The following EPB41L4B variants were observed in gnomAD, a reference collection of about 807,000 sequenced individuals.
EPB41L4B encodes the protein band 4.1-like protein 4B.
In EPB41L4B, 30 loss-of-function variants were observed where a neutral mutation model predicts 112.5. The ratio of observed to expected loss-of-function variants is 0.27; its 90% CI spans 0.20 to 0.36. The LOEUF (loss-of-function observed/expected upper bound fraction) is 0.36. EPB41L4B is among the 10% of genes least tolerant of loss of function. The pLI is 1.00. For missense variants in EPB41L4B, 1,024 were observed against 1,133.3 expected, an observed-to-expected ratio of 0.90 and a Z score of 1.38; for synonymous variants, 408 against 439.7, an observed-to-expected ratio of 0.93 and a Z score of 0.90.
chr9:109,192,089 C>T (rs994585603), intron 22 of EPB41L4B, among the ~76,000 whole-genome samples, 189 bp downstream of exon 22: 1 of 152,188 alleles, frequency 6.6e-6, no homozygotes, highest in Non-Finnish European at 1.5e-5. Flanking sequence ...GCACCCCTTC[C>T]TCCCTCAAGG....
chr9:109,276,710 G>T (rs1357880589), intron 2 of EPB41L4B, among the ~76,000 whole-genome samples: 2 of 152,204 alleles, frequency 1.3e-5, no homozygotes, highest in East Asian at 1.9e-4. Context: ...AAGCCTGCCA[G>T]CCAAGTCAGC....
chr9:109,320,486 C>G lies in EPB41L4B; in HGVS notation c.-40G>C, dbSNP rs1360890372. 1.3e-6 allele frequency: 1 copy of G among 768,278 alleles called. No homozygotes were observed. Among genetic ancestry groups the G allele is most frequent in the Non-Finnish European group, 1.6e-6 (1 of 636,196 alleles). 47.6% of individuals were successfully genotyped at this position (768,278 alleles called of 1,614,324 possible). A position where few individuals can be genotyped will look rare whatever the true frequency, so the allele number is the denominator to read the frequency against. ...CCCCCTGCCTCCGCCCCCTGCGCTGCCGCTGCCGCTGCCGCTGCCGCTGCG... is the reference window on the plus strand; with the variant it reads ...CCCCCTGCCTCCGCCCCCTGCGCTGGCGCTGCCGCTGCCGCTGCCGCTGCG... On this transcript the variant is annotated 5_prime_UTR_variant, in exon 1 of 26. Transcript: ENST00000374566.
chr9:109,256,461 C>T lies in EPB41L4B; in HGVS notation c.772G>A (p.Ala258Thr). 6.2e-7 allele frequency: 1 copy of T among 1,614,180 alleles called. No individual in the cohort carries two copies. Residue 258 changes from alanine (A) to threonine (T), a missense_variant, in exon 8 of 26, where the codon GCG becomes ACG. Ala to Thr is a moderately conservative substitution (Grantham distance 58). Coordinates refer to ENST00000374566, the MANE Select transcript of EPB41L4B (RefSeq NM_019114.5). The stretch of plus-strand genomic sequence containing the variant: ...GCTTTATTCAGATAGGAGAGTTCCG[C>T]CTGGGCAGGGCTCTTTCCCCTTAGA... ...KECRGKSPAQ[A>T]ELSYLNKAKW...
At chr9:109,251,398 CTGTA>C in intron 13 of EPB41L4B, 79 bp downstream of exon 13, 1 of 1,343,490 alleles carries the variant, frequency 7.4e-7, no homozygotes, top group Non-Finnish European at 1.1e-6. Flanking sequence ...CCTGATTTCA[CTGTA>C]GTAAGGAAAA....
At position 109,320,141 on chromosome 9, in the gene EPB41L4B, C is replaced by A; in HGVS notation, c.306G>T (p.Pro102=). ...GCCCCAGACTGGCCCCGTCACTCAC[C>A]GGCAGGTCCACGCTCACTTCGGTCC... ...LDGTEVSVDL[P]KHAKGQDLFD... is the part of the protein sequence containing the mutation. The change falls in exon 1 of 26, where the codon CCG becomes CCT. Residue 102 remains proline, a splice_region_variant and synonymous_variant. Coordinates refer to ENST00000374566, the MANE Select transcript of EPB41L4B (RefSeq NM_019114.5). 2 of 1,460,972 alleles carry A rather than the reference C, an allele frequency of 1.4e-6. No individual in the cohort carries two copies. Among genetic ancestry groups the A allele is most frequent in the South Asian group, 1.4e-5 (1 of 73,566 alleles). The allele number at this position is 1,460,972 out of a possible 1,614,324, so 90.5% of individuals were successfully genotyped here.
intron 17 of EPB41L4B, among the ~76,000 whole-genome samples, chr9:109,211,155 G>A (rs1388448771): frequency 2.0e-5 from 3 of 152,152 alleles, no homozygotes; most frequent in Non-Finnish European, 4.4e-5. Flanking sequence ...AGAAGAATCA[G>A]AGGATTCTTG....
At chr9:109,255,978 G>T in intron 9 of EPB41L4B, 135 bp from the exon 10 acceptor site, 1 of 1,217,512 alleles carries the variant, frequency 8.2e-7, no homozygotes, top group South Asian at 1.5e-5. Flanking sequence ...TGATTATCCA[G>T]AAGTTTCAGC....
intron 1 of EPB41L4B, among the ~76,000 whole-genome samples, chr9:109,288,579 T>C (rs879395350): frequency 6.6e-5 from 10 of 151,422 alleles, no homozygotes; most frequent in African/African-American, 1.7e-4. Flanking sequence ...AAAAATTAGC[T>C]GGGCGTTGTG....
chr9:109,296,912 G>A (rs887527248), intron 1 of EPB41L4B, among the ~76,000 whole-genome samples: 1 of 151,494 alleles, frequency 6.6e-6, no homozygotes, highest in Admixed American at 6.6e-5. Flanking sequence ...AGCTCATGAT[G>A]GCTAAGAGAC....
intron 1 of EPB41L4B, among the ~76,000 whole-genome samples, chr9:109,305,486 C>T (rs1461404415): frequency 2.0e-5 from 3 of 151,432 alleles, no homozygotes; most frequent in Non-Finnish European, 2.9e-5. Context: ...GGTGTGGTGG[C>T]GGGTGCCTGT....
At chr9:109,266,891 C>T (rs928946461) in intron 4 of EPB41L4B, among the ~76,000 whole-genome samples, 7 of 144,864 alleles carry the variant, frequency 4.8e-5, no homozygotes, top group Non-Finnish European at 6.0e-5. Context: ...ATCGCTTGAA[C>T]CCAGGAGGTG....
At chr9:109,185,180 G>A (rs970567458) in intron 23 of EPB41L4B, among the ~76,000 whole-genome samples, 53 of 152,328 alleles carry the variant, frequency 3.5e-4, no homozygotes, top group African/African-American at 1.0e-3. Flanking sequence ...ATAAGAGTCC[G>A]TCTGGTGAGT....
chr9:109,201,415 A>C (rs1481939731), intron 19 of EPB41L4B, among the ~76,000 whole-genome samples: 1 of 143,600 alleles, frequency 7.0e-6, no homozygotes, highest in African/African-American at 2.6e-5. Flanking sequence ...ATGCTACTCC[A>C]CTGCAGCCTG....
intron 20 of EPB41L4B, among the ~76,000 whole-genome samples, chr9:109,195,066 T>C (rs1028842612): frequency 1.3e-5 from 2 of 152,250 alleles, no homozygotes; most frequent in Admixed American, 1.3e-4. Flanking sequence ...GTTCCCACTC[T>C]TTTGGCTATT....
intron 15 of EPB41L4B, 42 bp downstream of exon 15, chr9:109,243,576 G>A (rs1293680209): frequency 3.1e-6 from 5 of 1,595,698 alleles, no homozygotes; most frequent in East Asian, 2.2e-5. Context: ...CTAGAGAAAG[G>A]AAAGCTTTCG....
intron 1 of EPB41L4B, among the ~76,000 whole-genome samples, chr9:109,316,755 CATTTT>C (rs1837650899): frequency 6.6e-6 from 1 of 152,176 alleles, no homozygotes; most frequent in East Asian, 1.9e-4. Context: ...CTTTTATTCA[CATTTT>C]ATTTTATCAA....
At chr9:109,175,226 G>A (rs1831777100) in intron 25 of EPB41L4B, among the ~76,000 whole-genome samples, 2 of 151,900 alleles carry the variant, frequency 1.3e-5, no homozygotes, top group Admixed American at 6.6e-5. Context: ...CCTCAGTAAA[G>A]ACTTTTGAAT....
At chr9:109,282,158 A>T (rs1281470435) in intron 1 of EPB41L4B, among the ~76,000 whole-genome samples, 1 of 152,230 alleles carries the variant, frequency 6.6e-6, no homozygotes, top group African/African-American at 2.4e-5. Context: ...ACCACACATC[A>T]TATGATCCAT....
intron 4 of EPB41L4B, among the ~76,000 whole-genome samples, chr9:109,265,587 CT>C (rs1835374304): frequency 6.6e-6 from 1 of 151,998 alleles, no homozygotes; most frequent in African/African-American, 2.4e-5. Context: ...AAGAAAAATC[CT>C]GGCACTGGAC....
Sources: gnomAD v4.1 joint callset for allele counts (sites outside exome capture counted in the v4.1 genomes callset) on GRCh38, gnomAD v4.1.1 for gene constraint, MANE v1.5 for transcripts, NCBI Gene and HGNC (gene_info 2026-07-23, HGNC 2026-07-21) for gene names.